Variants in CYYR1 observed in about 807,000 individuals in gnomAD.
CYYR1 encodes cysteine and tyrosine-rich protein 1.
CYYR1 carries 14 observed loss-of-function variants against 15.2 expected under a neutral mutation model. The ratio of observed to expected loss-of-function variants is 0.92; its 90% CI spans 0.61 to 1.44. CYYR1 has a LOEUF of 1.44. CYYR1 is among the 40% of genes most tolerant of loss of function. The pLI, the probability that CYYR1 is intolerant of heterozygous loss-of-function variation, is 0.00. For missense variants in CYYR1, 228 were observed against 209.5 expected (o/e 1.09, Z -0.54); for synonymous variants, 80 against 77.4 (o/e 1.03, Z -0.18).
intron 2 of CYYR1, among the ~76,000 whole-genome samples, chr21:26,496,551 T>A (rs188202809): frequency 8.5e-5 from 13 of 152,322 alleles, no homozygotes; most frequent in Admixed American, 7.8e-4. Context: ...TAGAATCATT[T>A]TTTTCTGGTA....
intron 2 of CYYR1, chr21:26,482,276 T>G: frequency 1.0e-6 from 1 of 968,612 alleles, no homozygotes; most frequent in Non-Finnish European, 1.2e-6. Flanking sequence ...TTACTATTTT[T>G]AAACAATTTC....
intron 1 of CYYR1, among the ~76,000 whole-genome samples, chr21:26,572,255 C>T (rs367694921): frequency 2.0e-5 from 3 of 152,194 alleles, no homozygotes; most frequent in Non-Finnish European, 4.4e-5. Context: ...AACAAGAAAA[C>T]CCACTTTGCT....
At chr21:26,522,627 A>G (rs2065815940) in intron 2 of CYYR1, among the ~76,000 whole-genome samples, 1 of 152,174 alleles carries the variant, frequency 6.6e-6, no homozygotes, top group East Asian at 1.9e-4. Context: ...AACCACATTT[A>G]TGAGCACTCA....
At chr21:26,548,380 C>T (rs561125713) in intron 2 of CYYR1, among the ~76,000 whole-genome samples, 2 of 152,278 alleles carry the variant, frequency 1.3e-5, no homozygotes, top group South Asian at 4.1e-4. Flanking sequence ...CAGGGTTGTG[C>T]TCTGTGCCCA....
chr21:26,505,989 A>C (rs976515295), intron 2 of CYYR1, among the ~76,000 whole-genome samples: 1 of 152,154 alleles, frequency 6.6e-6, no homozygotes, highest in African/African-American at 2.4e-5. Context: ...ATACATATTA[A>C]ATATGCTGCA....
At chr21:26,550,019 G>T (rs1601820785) in intron 2 of CYYR1, among the ~76,000 whole-genome samples, 1 of 152,162 alleles carries the variant, frequency 6.6e-6, no homozygotes, top group East Asian at 1.9e-4. Flanking sequence ...GCCCTTCATT[G>T]AGCAAGTCTA....
intron 3 of CYYR1, among the ~76,000 whole-genome samples, chr21:26,472,958 GTTTAT>G (rs1199542152): frequency 6.6e-6 from 1 of 151,998 alleles, no homozygotes; most frequent in African/African-American, 2.4e-5. Context: ...TTGCATCAAA[GTTTAT>G]TTTTTCTAAG....
At chr21:26,504,590 G>A (rs2065529784) in intron 2 of CYYR1, among the ~76,000 whole-genome samples, 1 of 152,150 alleles carries the variant, frequency 6.6e-6, no homozygotes, top group Non-Finnish European at 1.5e-5. Flanking sequence ...CGCATGCAAT[G>A]TGAAATAAGT....
chr21:26,559,509 T>G (rs1233681650), intron 2 of CYYR1, among the ~76,000 whole-genome samples: 3 of 152,162 alleles, frequency 2.0e-5, no homozygotes. Flanking sequence ...TTTTGTGTTT[T>G]TTAATCTTTT....
chr21:26,485,968 T>G (rs113916352), intron 2 of CYYR1, among the ~76,000 whole-genome samples: 2,258 of 152,206 alleles, frequency 0.015, 52 homozygotes, highest in African/African-American at 0.051. Context: ...TTTTAGCTGT[T>G]TTAACGGATA....
chr21:26,477,943 T>A, intron 3 of CYYR1: 1 of 1,366,302 alleles, frequency 7.3e-7, no homozygotes, highest in Non-Finnish European at 9.5e-7. Context: ...ACTTTTGTAG[T>A]GAGTACATTC....
chr21:26,510,604 T>TA (rs765367269), intron 2 of CYYR1, among the ~76,000 whole-genome samples: 2 of 152,224 alleles, frequency 1.3e-5, no homozygotes, highest in African/African-American at 2.4e-5. Flanking sequence ...GATTCATGTG[T>TA]ATTTAGCACA....
At chr21:26,556,436 T>C (rs1424363671) in intron 2 of CYYR1, among the ~76,000 whole-genome samples, 5 of 152,112 alleles carry the variant, frequency 3.3e-5, no homozygotes, top group African/African-American at 7.2e-5. Context: ...AATAAACTGA[T>C]AAATAGTAAC....
At position 26,573,246 on chromosome 21, in the gene CYYR1, A is replaced by T. The variant is rs1236987252; in HGVS notation, c.-306T>A. ...GGCGGCCACTCCGGCGTCCTTGGCC[A>T]CCCAGGCTCACATTTCATCTCCGCG... On this transcript the variant is annotated 5_prime_UTR_variant, in exon 1 of 4. Coordinates refer to ENST00000652641, the MANE Select transcript of CYYR1 (RefSeq NM_001320768.2). The T allele has an allele frequency of 7.3e-7, 1 of 1,368,530 alleles. No homozygotes were observed. The highest frequency in any genetic ancestry group is 2.3e-5 in the Admixed American group (1 of 44,308). The allele number at this position is 1,368,530 out of a possible 1,614,324, so 84.8% of individuals were successfully genotyped here. A position where few individuals can be genotyped will look rare whatever the true frequency, so the allele number is the denominator to read the frequency against.
At chr21:26,477,608 G>A (rs2065121194) in intron 3 of CYYR1, 2 of 532,668 alleles carry the variant, frequency 3.8e-6, no homozygotes, top group Non-Finnish European at 4.8e-6. Context: ...TTTATTCAAA[G>A]TTTGAACTTA....
chr21:26,543,924 T>A (rs1978766055), intron 2 of CYYR1, among the ~76,000 whole-genome samples: 2 of 151,512 alleles, frequency 1.3e-5, no homozygotes, highest in East Asian at 1.9e-4. Flanking sequence ...ATAATAATAA[T>A]AAATAAATAA....
At chr21:26,564,620 A>G (rs2123727392) in intron 2 of CYYR1, 1 of 902,510 alleles carries the variant, frequency 1.1e-6, no homozygotes, top group Non-Finnish European at 1.3e-6. Flanking sequence ...ATATAAAAAT[A>G]TTCTGATTAA....
At chr21:26,555,230 A>C (rs928387192) in intron 2 of CYYR1, among the ~76,000 whole-genome samples, 1 of 152,192 alleles carries the variant, frequency 6.6e-6, no homozygotes, top group Non-Finnish European at 1.5e-5. Context: ...ATAAGAATGA[A>C]TATTACTTGA....
intron 3 of CYYR1, among the ~76,000 whole-genome samples, chr21:26,475,748 T>C (rs1337493661): frequency 6.6e-6 from 1 of 152,186 alleles, no homozygotes; most frequent in African/African-American, 2.4e-5. Context: ...CCACAGTTAA[T>C]ATGACATCAA....
Sources: gnomAD v4.1 joint callset for allele counts (sites outside exome capture counted in the v4.1 genomes callset) on GRCh38, gnomAD v4.1.1 for gene constraint, MANE v1.5 for transcripts, NCBI Gene and HGNC (gene_info 2026-07-23, HGNC 2026-07-21) for gene names.